The following FLT1 variants were observed in gnomAD, a reference collection of about 807,000 sequenced individuals.
FLT1 encodes fms related receptor tyrosine kinase 1, also known as vascular endothelial growth factor receptor 1.
A neutral mutation model predicts 156.3 loss-of-function variants in FLT1; 49 were observed. The ratio of observed to expected loss-of-function variants is 0.31; its 90% CI spans 0.25 to 0.40. The LOEUF (loss-of-function observed/expected upper bound fraction) is 0.40, where lower values mean the gene tolerates loss of function less well. Ranked by LOEUF, FLT1 falls within the 10% of genes least tolerant of loss-of-function variation. FLT1 has a pLI of 1.00. For synonymous variants in FLT1, 594 were observed against 583.8 expected (o/e 1.02, Z -0.25); for missense variants, 1,322 against 1,637.2 (o/e 0.81, Z 3.32).
At chr13:28,462,853 T>G (rs530080384) in intron 3 of FLT1, among the ~76,000 whole-genome samples, 12 of 152,208 alleles carry the variant, frequency 7.9e-5, no homozygotes, top group Non-Finnish European at 1.6e-4. Flanking sequence ...CCTGCTTTGA[T>G]GCACAGAGCA....
intron 10 of FLT1, among the ~76,000 whole-genome samples, chr13:28,426,839 G>A (rs924406940): frequency 6.6e-6 from 1 of 152,184 alleles, no homozygotes; most frequent in Non-Finnish European, 1.5e-5. Flanking sequence ...CCAAAGTCTA[G>A]GGATCTTCAG....
Position 28,430,072 on chromosome 13 carries a change from A to G in FLT1, c.1084T>C (p.Phe362Leu). The G allele has an allele frequency of 6.2e-7, 1 of 1,612,662 alleles. No homozygotes were observed. The highest frequency in any genetic ancestry group is 8.5e-7 in the Non-Finnish European group (1 of 1,178,674). The change falls in exon 8 of 30, where the codon TTT becomes CTT. Residue 362 changes from phenylalanine (F) to leucine (L), a missense_variant. Coordinates refer to ENST00000282397, the MANE Select transcript of FLT1 (RefSeq NM_002019.4). The stretch of plus-strand genomic sequence containing the variant: ...TACCATACAACTTCCGGCGAGGGAA[A>G]TGCCTTCACTTTCATAGAGAGCCGG... ...SYRLSMKVKA[F>L]PSPEVVWLKD... is the part of the protein sequence containing the mutation.
At chr13:28,379,097 C>A (rs1476680807) in intron 14 of FLT1, among the ~76,000 whole-genome samples, 1 of 152,150 alleles carries the variant, frequency 6.6e-6, no homozygotes, top group Non-Finnish European at 1.5e-5. Flanking sequence ...AATCCCAGCA[C>A]TTTGGGAGGC....
chr13:28,345,595 C>T (rs1565979775), intron 15 of FLT1, 44 bp from the exon 16 acceptor site: 1 of 1,171,242 alleles, frequency 8.5e-7, no homozygotes, highest in Non-Finnish European at 1.3e-6. Context: ...CAAAGAAATT[C>T]CCAAACTCAG....
chr13:28,404,700 G>A (rs1337516655), intron 11 of FLT1, among the ~76,000 whole-genome samples: 13 of 152,166 alleles, frequency 8.5e-5, no homozygotes, highest in Admixed American at 7.2e-4. Context: ...TGTCAGCAAG[G>A]GGATACTTGA....
At chr13:28,308,482 G>A (rs570296474) in intron 28 of FLT1, 3 of 336,106 alleles carry the variant, frequency 8.9e-6, no homozygotes, top group South Asian at 2.8e-5. Context: ...GCAGGAACGC[G>A]CTCTCTGTTA....
At chr13:28,448,525 T>C (rs1040586205) in intron 3 of FLT1, among the ~76,000 whole-genome samples, 3 of 152,222 alleles carry the variant, frequency 2.0e-5, no homozygotes, top group Non-Finnish European at 4.4e-5. Context: ...CTACAAATTA[T>C]GTATTCTATT....
intron 12 of FLT1, among the ~76,000 whole-genome samples, chr13:28,395,682 G>C (rs759358235): frequency 6.6e-6 from 1 of 152,170 alleles, no homozygotes. Context: ...TAGAAAGCAA[G>C]CTCACCTGTC....
intron 10 of FLT1, among the ~76,000 whole-genome samples, chr13:28,416,110 T>C (rs1023249809): frequency 1.3e-5 from 2 of 152,242 alleles, no homozygotes; most frequent in African/African-American, 4.8e-5. Context: ...ATTATGACAT[T>C]TAACTTCCTC....
intron 14 of FLT1, among the ~76,000 whole-genome samples, chr13:28,382,339 T>G (rs1235388710): frequency 1.3e-5 from 2 of 152,292 alleles, no homozygotes; most frequent in East Asian, 3.9e-4. Flanking sequence ...ATGTCTGCAG[T>G]GATCTACCAG....
At chr13:28,413,039 T>C (rs1791548502) in intron 10 of FLT1, among the ~76,000 whole-genome samples, 1 of 152,096 alleles carries the variant, frequency 6.6e-6, no homozygotes, top group Admixed American at 6.6e-5. Context: ...AGTGACTTTC[T>C]TGTGCAGTGA....
chr13:28,334,293 T>C (rs1872034941), intron 17 of FLT1, among the ~76,000 whole-genome samples, 164 bp from the exon 18 acceptor site: 1 of 152,202 alleles, frequency 6.6e-6, no homozygotes, highest in South Asian at 2.1e-4. Flanking sequence ...CTGGAGTCTC[T>C]TCCTTTCAAC....
rs144934062 is a variant in FLT1 at position 28,435,944 on chromosome 13, G to T, written c.514-1724C>A. On this transcript the variant is annotated intron_variant, in intron 4 of 29. Coordinates refer to ENST00000282397, the MANE Select transcript of FLT1 (RefSeq NM_002019.4). ...AAAACCCAGAAAAATTTAAGTCAGG[G>T]ACTGAAATCTATGGTACTTTACAAA... 1.2e-4 allele frequency among the ~76,000 whole-genome samples: 18 copies of T among 152,294 alleles called. No individual in the cohort carries two copies. In the East Asian group the frequency reaches 3.3e-3, roughly 28 times the overall value.
chr13:28,320,679 A>ACC (rs1316945879), intron 23 of FLT1, among the ~76,000 whole-genome samples: 1 of 152,114 alleles, frequency 6.6e-6, no homozygotes. Context: ...AACTGGTTAG[A>ACC]AATGCAAATT....
chr13:28,422,495 C>A (rs1441537765), intron 10 of FLT1, among the ~76,000 whole-genome samples: 1 of 152,208 alleles, frequency 6.6e-6, no homozygotes, highest in Non-Finnish European at 1.5e-5. Flanking sequence ...TCAAAGGCTG[C>A]AGGCATTGAA....
intron 10 of FLT1, among the ~76,000 whole-genome samples, chr13:28,411,950 A>C (rs1208515981): frequency 6.6e-6 from 1 of 152,152 alleles, no homozygotes; most frequent in Non-Finnish European, 1.5e-5. Context: ...AACTCTGCTT[A>C]TCTGTTTAAT....
At chr13:28,422,823 T>C (rs10507385) in intron 10 of FLT1, among the ~76,000 whole-genome samples, 28,949 of 152,178 alleles carry the variant, frequency 0.19, 3,252 homozygotes, top group Non-Finnish European at 0.26. Context: ...AAAACAGTGA[T>C]CTGCAGCACA....
intron 1 of FLT1, among the ~76,000 whole-genome samples, chr13:28,483,546 T>G (rs1440702971): frequency 2.0e-5 from 3 of 152,196 alleles, no homozygotes; most frequent in African/African-American, 7.2e-5. Flanking sequence ...TCTGGTAACA[T>G]GACAGTATTC....
chr13:28,475,416 CTAAA>C (rs1202416389), intron 1 of FLT1, among the ~76,000 whole-genome samples: 1 of 152,088 alleles, frequency 6.6e-6, no homozygotes, highest in African/African-American at 2.4e-5. Context: ...GCCTCTTTAT[CTAAA>C]TAGAGATCCC....
Sources: gnomAD v4.1 joint callset for allele counts (sites outside exome capture counted in the v4.1 genomes callset) on GRCh38, gnomAD v4.1.1 for gene constraint, MANE v1.5 for transcripts, NCBI Gene and HGNC (gene_info 2026-07-23, HGNC 2026-07-21) for gene names.